The following RUVBL1 variants were observed in gnomAD, a reference collection of about 807,000 sequenced individuals.
The protein encoded by RUVBL1 is RuvB like AAA ATPase 1, also known as ruvB-like 1.
In RUVBL1, 4 loss-of-function variants were observed where a neutral mutation model predicts 52.4. The observed-to-expected ratio is 0.08, with a 90% CI of 0.04 to 0.17. RUVBL1 has a LOEUF of 0.17. RUVBL1 is among the 10% of genes least tolerant of loss of function. The pLI is 1.00. For synonymous variants in RUVBL1, 217 were observed against 214.4 expected (o/e 1.01, Z -0.10); for missense variants, 298 against 572.8 (o/e 0.52, Z 4.90).
Position 128,097,391 on chromosome 3 carries a change from T to C in RUVBL1, c.925A>G (p.Ile309Val). The change falls in exon 8 of 11, where the codon ATT becomes GTT. Residue 309 changes from isoleucine (I) to valine (V), a missense_variant. This residue lies in a region of RUVBL1 where 161 missense variants were observed against 298.3 expected (regional missense o/e 0.54). Coordinates refer to ENST00000322623, the MANE Select transcript of RUVBL1 (RefSeq NM_003707.3). ...LFVDEVHMLDIECFTYLHRAL... is the reference protein window; with the variant it reads ...LFVDEVHMLDVECFTYLHRAL... ...CGGTGCAGGTAGGTGAAGCACTCAA[T>C]GTCCAGCATGTGGACCTCATCAACA... 1 of 1,614,180 alleles carries C rather than the reference T, an allele frequency of 6.2e-7. No individual in the cohort carries two copies. The highest frequency in any genetic ancestry group is 1.1e-5 in the South Asian group (1 of 91,080).
intron 2 of RUVBL1, among the ~76,000 whole-genome samples, chr3:128,117,132 T>G (rs1943542657): frequency 6.6e-6 from 1 of 151,980 alleles, no homozygotes. Context: ...CTTTTCAAAA[T>G]GAAAAGGAAA....
intron 4 of RUVBL1, among the ~76,000 whole-genome samples, chr3:128,102,812 G>C (rs1943135319): frequency 6.6e-6 from 1 of 152,112 alleles, no homozygotes; most frequent in Admixed American, 6.5e-5. Context: ...ACTTAAAATG[G>C]GTGAGTTTTA....
chr3:128,146,832 C>T (rs575032778), intron 1 of RUVBL1, among the ~76,000 whole-genome samples: 70 of 148,706 alleles, frequency 4.7e-4, no homozygotes, highest in African/African-American at 1.6e-3. Flanking sequence ...TGTGTGTGTG[C>T]GCACTTGTGT....
intron 1 of RUVBL1, 72 bp from the exon 2 acceptor site, chr3:128,119,486 T>C: frequency 1.6e-6 from 2 of 1,261,260 alleles, no homozygotes; most frequent in Non-Finnish European, 2.2e-6. Flanking sequence ...TCTCAGTCCC[T>C]GGCCTACACA....
At chr3:128,080,705 A>T (rs1440786382), downstream of RUVBL1, among the ~76,000 whole-genome samples, 1 of 152,240 alleles carries the variant, frequency 6.6e-6, no homozygotes, top group East Asian at 1.9e-4. Context: ...AAATCTAAGA[A>T]GATGTCACAG....
intron 9 of RUVBL1, among the ~76,000 whole-genome samples, chr3:128,072,842 C>A (rs1414189323): frequency 6.6e-6 from 1 of 152,176 alleles, no homozygotes; most frequent in South Asian, 2.1e-4. Flanking sequence ...CAGCCACGCA[C>A]GCTTCAAGAT....
chr3:128,124,770 C>T (rs1174888349), upstream of RUVBL1, among the ~76,000 whole-genome samples: 2 of 152,262 alleles, frequency 1.3e-5, no homozygotes, highest in East Asian at 1.9e-4. Context: ...CAGAAGCCCC[C>T]GGAACAGCCT....
chr3:128,115,822 A>G (rs559925215), intron 2 of RUVBL1, among the ~76,000 whole-genome samples: 1 of 152,344 alleles, frequency 6.6e-6, no homozygotes, highest in South Asian at 2.1e-4. Context: ...CACTTAAGAT[A>G]GAAACCCCTG....
chr3:128,097,046 T>C (rs966018890), intron 8 of RUVBL1, among the ~76,000 whole-genome samples: 7 of 152,148 alleles, frequency 4.6e-5, no homozygotes, highest in Admixed American at 1.3e-4. Context: ...TACACTCCAA[T>C]TGAACGACCA....
intron 9 of RUVBL1, among the ~76,000 whole-genome samples, chr3:128,074,819 G>A (rs1488088861): frequency 1.5e-5 from 2 of 131,674 alleles, no homozygotes; most frequent in Non-Finnish European, 3.1e-5. Flanking sequence ...TCCAGCCTGG[G>A]CAACAGGAGC....
chr3:128,140,463 A>G (rs954027595), intron 1 of RUVBL1, among the ~76,000 whole-genome samples: 3 of 151,978 alleles, frequency 2.0e-5, no homozygotes, highest in African/African-American at 7.3e-5. Flanking sequence ...CATGCTTATT[A>G]TTTCAGACCT....
At chr3:128,150,781 T>G (rs1331211756) in intron 1 of RUVBL1, among the ~76,000 whole-genome samples, 2 of 104,894 alleles carry the variant, frequency 1.9e-5, no homozygotes, top group Non-Finnish European at 3.5e-5. Flanking sequence ...TTATATATTC[T>G]ATATATATTC....
chr3:128,073,616 A>G (rs1271657466), intron 9 of RUVBL1, among the ~76,000 whole-genome samples: 1 of 152,166 alleles, frequency 6.6e-6, no homozygotes. Flanking sequence ...CCCTGCCCCA[A>G]TCCCTTCTAG....
In RUVBL1 at chr3:128,067,012, A is replaced by G. The variant is rs1373407445; in HGVS notation, c.940-1792T>C. 6 of 1,614,138 alleles carry G rather than the reference A, an allele frequency of 3.7e-6. No individual in the cohort carries two copies. The highest frequency in any genetic ancestry group is 5.1e-6 in the Non-Finnish European group (6 of 1,180,018). Reference sequence around the variant, plus strand: ...CGCTACCGTGGCCAGTACAACACCTATCCCATCAAGCTCTTCTATACGTCC... The same window carrying G: ...CGCTACCGTGGCCAGTACAACACCTGTCCCATCAAGCTCTTCTATACGTCC... On this transcript the variant is annotated intron_variant, in intron 9 of 9. Transcript: ENST00000464873. The surrounding 1 kb of genome is among the most constrained non-coding windows in gnomAD (Gnocchi z 4.1).
At chr3:128,076,272 G>A (rs966485482), downstream of RUVBL1, among the ~76,000 whole-genome samples, 36 of 152,306 alleles carry the variant, frequency 2.4e-4, no homozygotes, top group Non-Finnish European at 2.5e-4. This position sits in a 1 kb window ranked among gnomAD's most constrained non-coding sequence, Gnocchi z 6.8. Context: ...GGAGCGAGCA[G>A]GGCCAACGGT....
At chr3:128,136,797 T>C (rs1943954442) in intron 1 of RUVBL1, among the ~76,000 whole-genome samples, 1 of 151,886 alleles carries the variant, frequency 6.6e-6, no homozygotes, top group South Asian at 2.1e-4. Context: ...AGACAAAAAC[T>C]ATATAAGGAG....
intron 8 of RUVBL1, among the ~76,000 whole-genome samples, chr3:128,090,178 A>G (rs780655965): frequency 6.6e-6 from 1 of 152,212 alleles, no homozygotes; most frequent in Non-Finnish European, 1.5e-5. Context: ...TTACCACAAT[A>G]AAAACAATTC....
Position 128,069,506 on chromosome 3 carries a change from G to C in RUVBL1, c.940-4286C>G. 7.4e-6 allele frequency: 12 copies of C among 1,613,268 alleles called. No individual in the cohort carries two copies. Among genetic ancestry groups the C allele is most frequent in the Non-Finnish European group, 1.0e-5 (12 of 1,180,030 alleles). On this transcript the variant is annotated intron_variant, in intron 9 of 9. Coordinates refer to the RUVBL1 transcript ENST00000464873. ...TCCCCACAGCCGCGGCCTTTGGTGG[G>C]CTGTGCATCGGGGCCCTCTCGGTCC... is the stretch of plus-strand genomic sequence containing the variant.
intron 9 of RUVBL1, among the ~76,000 whole-genome samples, chr3:128,086,708 T>C (rs1214919293): frequency 2.6e-5 from 4 of 152,210 alleles, no homozygotes; most frequent in Admixed American, 1.3e-4. Flanking sequence ...TAGATGGTGA[T>C]CACATGGAAT....
Sources: gnomAD v4.1 joint callset for allele counts (sites outside exome capture counted in the v4.1 genomes callset) on GRCh38, gnomAD v4.1.1 for gene constraint, gnomAD v4.1.1 regional missense constraint, Gnocchi (gnomAD v3.1) non-coding constraint, MANE v1.5 for transcripts, NCBI Gene and HGNC (gene_info 2026-07-23, HGNC 2026-07-21) for gene names.